DMD: variants seen among roughly 807,000 people sequenced by gnomAD.
The protein encoded by DMD is dystrophin.
In DMD, 63 loss-of-function variants were observed where a neutral mutation model predicts 330.1. The observed-to-expected ratio is 0.19, with a 90% CI of 0.16 to 0.24. DMD has a LOEUF of 0.24. Ranked by LOEUF, DMD falls within the 10% of genes least tolerant of loss-of-function variation. The probability of loss-of-function intolerance (pLI) is 1.00; values close to 1 mark genes in which losing one functional copy is unlikely to be tolerated. For synonymous variants in DMD, 1,223 were observed against 959.8 expected, an observed-to-expected ratio of 1.27 and a Z score of -5.07; for missense variants, 3,344 against 2,684.1, an observed-to-expected ratio of 1.25 and a Z score of -5.43.
At chrX:33,163,530 C>A (rs1248663239) in intron 1 of DMD, among the ~76,000 whole-genome samples, 1 of 100,903 alleles carries the variant, frequency 9.9e-6, no homozygotes, top group Admixed American at 1.1e-4. Context: ...AGTGAGACTC[C>A]ATCTCAAAAA....
chrX:31,405,182 C>T (rs2061355185), intron 60 of DMD, among the ~76,000 whole-genome samples: 2 of 111,785 alleles, frequency 1.8e-5, no homozygotes, highest in South Asian at 3.7e-4. Flanking sequence ...ACAATTATAT[C>T]ATCTGACAAG....
intron 78 of DMD, among the ~76,000 whole-genome samples, chrX:31,125,930 A>ATTTT (rs1333443678): frequency 8.9e-6 from 1 of 112,067 alleles, no homozygotes; most frequent in Non-Finnish European, 1.9e-5. Context: ...CTTTCAAATG[A>ATTTT]GAGTTAAGAG....
At chrX:33,121,230 TC>T (rs200172797) in intron 1 of DMD, among the ~76,000 whole-genome samples, 2,989 of 108,803 alleles carry the variant, frequency 0.027, 120 homozygotes, top group African/African-American at 0.096. Flanking sequence ...AATTTATCAT[TC>T]TTTTTTTTTT....
In DMD at chrX:32,483,914, C is replaced by T. The variant is rs777784440; in HGVS notation, c.2803+1005G>A. ...ATGAAAAGCTGGGAAATGAGAAAAG[C>T]GTTGTGTATCACTACATTAATTCTG... is the stretch of plus-strand genomic sequence containing the variant. On this transcript the variant is annotated intron_variant, in intron 21 of 78. Transcript: ENST00000357033. Among the ~76,000 whole-genome samples, 10 of 106,048 alleles carry T rather than the reference C, an allele frequency of 9.4e-5. No individual in the cohort carries two copies. In the South Asian group the frequency reaches 3.7e-3, roughly 39 times the overall value. 92.1% of individuals were successfully genotyped at this position (106,048 alleles called of 115,157 possible). A position where few individuals can be genotyped will look rare whatever the true frequency, so the allele number is the denominator to read the frequency against.
At chrX:33,041,732 G>C in intron 1 of DMD, 1 of 1,196,137 alleles carries the variant, frequency 8.4e-7, no homozygotes, top group Non-Finnish European at 1.1e-6. Context: ...AACTTTTCTC[G>C]TATGGGGTGG....
intron 63 of DMD, among the ~76,000 whole-genome samples, chrX:31,243,168 C>A (rs2048518757): frequency 8.9e-6 from 1 of 112,108 alleles, no homozygotes; most frequent in Non-Finnish European, 1.9e-5. Flanking sequence ...CTGACCATAT[C>A]TATGGTATAC....
At chrX:32,315,802 T>A (rs1353803025) in intron 41 of DMD, among the ~76,000 whole-genome samples, 1 of 111,859 alleles carries the variant, frequency 8.9e-6, no homozygotes, top group Non-Finnish European at 1.9e-5. Context: ...CATTTTCACC[T>A]ATCTTTCAAA....
chrX:31,373,455 C>A (rs1271433219), intron 60 of DMD, among the ~76,000 whole-genome samples: 6 of 100,719 alleles, frequency 6.0e-5, no homozygotes, highest in Non-Finnish European at 2.1e-5. Context: ...CAGCATGGTA[C>A]TGGTACCAAA....
chrX:33,021,465 T>C (rs1248256488), intron 1 of DMD, among the ~76,000 whole-genome samples: 1 of 111,788 alleles, frequency 8.9e-6, no homozygotes, highest in Non-Finnish European at 1.9e-5. Context: ...TTATATTTTA[T>C]CTACTTGGAT....
chrX:31,131,462 A>T (rs780558296), intron 77 of DMD, among the ~76,000 whole-genome samples: 25 of 111,808 alleles, frequency 2.2e-4, no homozygotes, highest in Non-Finnish European at 4.0e-4. Flanking sequence ...AAACACATGT[A>T]CAATTTATTT....
chrX:32,898,496 A>G (rs1055219457), intron 2 of DMD, among the ~76,000 whole-genome samples: 4 of 112,324 alleles, frequency 3.6e-5, no homozygotes, highest in African/African-American at 1.3e-4. Flanking sequence ...GGGACAACTC[A>G]TAGGCAGTGC....
chrX:32,836,222 G>C (rs992562561), intron 4 of DMD, among the ~76,000 whole-genome samples: 1 of 108,849 alleles, frequency 9.2e-6, no homozygotes, highest in Non-Finnish European at 1.9e-5. Flanking sequence ...AGTAGAGACG[G>C]GGTTTTGCCA....
intron 2 of DMD, among the ~76,000 whole-genome samples, chrX:32,997,016 T>G (rs901973825): frequency 1.8e-5 from 2 of 111,536 alleles, no homozygotes; most frequent in South Asian, 7.5e-4. Context: ...GTTGTTATTT[T>G]TATAGATTTA....
chrX:32,283,139 A>G (rs2097426621), intron 43 of DMD, among the ~76,000 whole-genome samples: 1 of 111,653 alleles, frequency 9.0e-6, no homozygotes, highest in Non-Finnish European at 1.9e-5. Context: ...GAGCAAAGAC[A>G]TATATAGCAG....
chrX:31,795,734 T>C (rs906504525), intron 50 of DMD, among the ~76,000 whole-genome samples: 1 of 112,121 alleles, frequency 8.9e-6, no homozygotes, highest in African/African-American at 3.2e-5. Context: ...CAGTAAAATA[T>C]TATGATACTT....
At chrX:32,191,887 C>T (rs1326173987) in intron 44 of DMD, among the ~76,000 whole-genome samples, 1 of 111,733 alleles carries the variant, frequency 8.9e-6, no homozygotes, top group East Asian at 2.8e-4. Context: ...ATTTTTGATG[C>T]ATGGTTGCAT....
At chrX:31,916,155 G>T (rs2094606131) in intron 47 of DMD, among the ~76,000 whole-genome samples, 1 of 111,810 alleles carries the variant, frequency 8.9e-6, no homozygotes, top group Admixed American at 9.5e-5. Context: ...CATCCTAGCT[G>T]CGCTTATGCT....
chrX:32,202,685 A>C (rs2147738765), intron 44 of DMD, among the ~76,000 whole-genome samples: 1 of 111,656 alleles, frequency 9.0e-6, no homozygotes, highest in East Asian at 2.8e-4. Context: ...CATACACAAC[A>C]CCTTCAGATG....
chrX:32,646,017 G>C (rs2059761426), intron 9 of DMD, among the ~76,000 whole-genome samples: 2 of 111,597 alleles, frequency 1.8e-5, no homozygotes, highest in African/African-American at 6.5e-5. Context: ...AGCAAGCAAG[G>C]AGGTCGATTA....
Sources: allele counts gnomAD v4.1 joint callset (sites outside exome capture counted in the v4.1 genomes callset), GRCh38; gene constraint gnomAD v4.1.1; transcripts MANE v1.5; gene names NCBI Gene and HGNC (gene_info 2026-07-23, HGNC 2026-07-21).